CHRM3: variants seen among roughly 807,000 people sequenced by gnomAD.
CHRM3 encodes the protein cholinergic receptor muscarinic 3.
A neutral mutation model predicts 41.8 loss-of-function variants in CHRM3; 11 were observed. The ratio of observed to expected loss-of-function variants is 0.26; its 90% CI spans 0.17 to 0.44. CHRM3 has a LOEUF of 0.44. CHRM3 is among the 20% of genes least tolerant of loss of function. CHRM3 has a pLI of 1.00. For synonymous variants in CHRM3, 297 were observed against 301.4 expected (o/e 0.99, Z 0.15); for missense variants, 571 against 745.4 (o/e 0.77, Z 2.72).
intron 5 of CHRM3, among the ~76,000 whole-genome samples, chr1:239,824,943 T>G (rs997375864): frequency 6.6e-6 from 1 of 152,228 alleles, no homozygotes; most frequent in African/African-American, 2.4e-5. Flanking sequence ...TTCAGCCTTC[T>G]CAACTTTAGC....
intron 3 of CHRM3, among the ~76,000 whole-genome samples, chr1:239,547,060 T>C (rs143505368): frequency 2.2e-3 from 333 of 152,300 alleles, no homozygotes; most frequent in African/African-American, 7.7e-3. Context: ...GCAATGAAAC[T>C]GGTTTGCAAA....
At chr1:239,514,808 TC>T (rs1205163710) in intron 2 of CHRM3, among the ~76,000 whole-genome samples, 1 of 152,082 alleles carries the variant, frequency 6.6e-6, no homozygotes, top group African/African-American at 2.4e-5. Context: ...ATCTCAGTCC[TC>T]TCATTCTGAC....
chr1:239,454,475 TC>T (rs1558235961), intron 1 of CHRM3, among the ~76,000 whole-genome samples: 4 of 151,750 alleles, frequency 2.6e-5, no homozygotes, highest in Non-Finnish European at 5.9e-5. Flanking sequence ...CTTTTTTTTT[TC>T]TTTTTTTTTT....
At chr1:239,644,354 C>T (rs1032509816) in intron 4 of CHRM3, among the ~76,000 whole-genome samples, 3 of 151,772 alleles carry the variant, frequency 2.0e-5, no homozygotes, top group Admixed American at 2.0e-4. Flanking sequence ...CGTCTTCCCA[C>T]CCCTGGCTCT....
intron 1 of CHRM3, among the ~76,000 whole-genome samples, chr1:239,396,623 A>C (rs1294393274): frequency 6.6e-6 from 1 of 152,138 alleles, no homozygotes; most frequent in Admixed American, 6.6e-5. Context: ...CGAAAAGAGT[A>C]AATATAGTGT....
chr1:239,534,500 C>T (rs183627211), intron 2 of CHRM3, among the ~76,000 whole-genome samples: 133 of 152,274 alleles, frequency 8.7e-4, no homozygotes, highest in Middle Eastern at 6.8e-3. Flanking sequence ...TAACTCTGTA[C>T]TGATGCCAAA....
chr1:239,807,826 A>G (rs535155042), intron 5 of CHRM3, among the ~76,000 whole-genome samples: 5,862 of 150,366 alleles, frequency 0.039, 391 homozygotes, highest in African/African-American at 0.14. Flanking sequence ...GCGCACACAC[A>G]CACACACACA....
chr1:239,427,380 G>A (rs529971599), intron 1 of CHRM3, among the ~76,000 whole-genome samples: 4 of 152,114 alleles, frequency 2.6e-5, no homozygotes, highest in African/African-American at 9.7e-5. Flanking sequence ...CATTTACAAC[G>A]TAGAGATGCA....
intron 2 of CHRM3, among the ~76,000 whole-genome samples, chr1:239,505,627 A>T (rs1354135015): frequency 1.3e-5 from 2 of 152,172 alleles, no homozygotes; most frequent in Non-Finnish European, 2.9e-5. Context: ...ATGTGTCTTT[A>T]TCAACTGCAT....
At chr1:239,747,898 A>G (rs1414067623) in intron 5 of CHRM3, among the ~76,000 whole-genome samples, 1 of 152,058 alleles carries the variant, frequency 6.6e-6, no homozygotes. Flanking sequence ...TTAGCTGGGC[A>G]TGGTGTCACG....
At chr1:239,899,046 A>G (rs1360396490) in intron 6 of CHRM3, among the ~76,000 whole-genome samples, 5 of 152,150 alleles carry the variant, frequency 3.3e-5, no homozygotes, top group Admixed American at 3.3e-4. Context: ...ATGTCAAAAT[A>G]TCCACTGCAG....
intron 3 of CHRM3, among the ~76,000 whole-genome samples, chr1:239,608,736 A>G (rs1485037395): frequency 1.3e-5 from 2 of 152,214 alleles, no homozygotes; most frequent in Non-Finnish European, 2.9e-5. Flanking sequence ...TGGAGAAAAA[A>G]TGGCAAGTTT....
chr1:239,603,686 C>T (rs1665889901), intron 3 of CHRM3, among the ~76,000 whole-genome samples: 1 of 151,974 alleles, frequency 6.6e-6, no homozygotes, highest in South Asian at 2.1e-4. Flanking sequence ...GAAAACTAAC[C>T]TTATATGATT....
intron 3 of CHRM3, among the ~76,000 whole-genome samples, chr1:239,603,640 C>G (rs1195565810): frequency 1.3e-5 from 2 of 151,954 alleles, no homozygotes; most frequent in African/African-American, 2.4e-5. Context: ...AAAAACCAAC[C>G]CTTTGCTTTA....
At position 239,392,272 on chromosome 1, in the gene CHRM3, A is replaced by G. The variant is rs563473834; in HGVS notation, c.-521+5045A>G. On this transcript the variant is annotated intron_variant, in intron 1 of 6. Coordinates refer to ENST00000676153, the MANE Select transcript of CHRM3 (RefSeq NM_001375978.1). ...TGTAGTGCCCGGTTCCACTTGACAAATAAATTCTCCTTGTCTGTCATTGTT... is the reference window on the plus strand; with the variant it reads ...TGTAGTGCCCGGTTCCACTTGACAAGTAAATTCTCCTTGTCTGTCATTGTT... 2.0e-5 allele frequency among the ~76,000 whole-genome samples: 3 copies of G among 152,290 alleles called. No individual in the cohort carries two copies. The South Asian group carries it at 6.2e-4, about 32-fold the overall frequency.
chr1:239,492,097 T>G (rs968761490), intron 1 of CHRM3, among the ~76,000 whole-genome samples: 5 of 152,178 alleles, frequency 3.3e-5, no homozygotes, highest in Non-Finnish European at 7.4e-5. Flanking sequence ...AAATAACTTG[T>G]GGAAGCACAC....
chr1:239,533,630 C>T (rs1657884774), intron 2 of CHRM3, among the ~76,000 whole-genome samples: 1 of 147,016 alleles, frequency 6.8e-6, no homozygotes, highest in Non-Finnish European at 1.5e-5. Flanking sequence ...ACTCAGGAGG[C>T]TGAGGCAGGA....
intron 6 of CHRM3, among the ~76,000 whole-genome samples, chr1:239,855,548 C>A (rs186236050): frequency 1.3e-5 from 2 of 152,152 alleles, no homozygotes; most frequent in Admixed American, 1.3e-4. Context: ...GGGGATTTTA[C>A]TAACAGACTT....
In CHRM3 at chr1:239,910,390, A is replaced by C. The variant is rs539635283; in HGVS notation, c.*1166A>C. 1.2e-4 allele frequency: 20 copies of C among 165,474 alleles called. No individual in the cohort carries two copies. Among genetic ancestry groups the C allele is most frequent in the Admixed American group, 2.0e-4 (3 of 15,104 alleles). The allele number at this position is 165,474 out of a possible 1,614,324, so 10.3% of individuals were successfully genotyped here. On this transcript the variant is annotated 3_prime_UTR_variant, in exon 7 of 7. Transcript: ENST00000676153. ...AGAATGAAGGAGAACATTGTGTTTG[A>C]TTCTTGCTGAATGGCACCTTCTCAA...
Sources: gnomAD v4.1 joint callset for allele counts (sites outside exome capture counted in the v4.1 genomes callset) on GRCh38, gnomAD v4.1.1 for gene constraint, MANE v1.5 for transcripts, NCBI Gene and HGNC (gene_info 2026-07-23, HGNC 2026-07-21) for gene names.